The following ODAD2 variants were observed in gnomAD, a reference collection of about 807,000 sequenced individuals.
ODAD2 encodes outer dynein arm docking complex subunit 2.
A neutral mutation model predicts 106.8 loss-of-function variants in ODAD2; 89 were observed. That is an observed-to-expected ratio of 0.83 (90% CI 0.70 to 0.99). ODAD2 has a LOEUF of 0.99. Among genes scored for constraint, ODAD2 ranks in the 50% least tolerant of loss-of-function variants. The probability of loss-of-function intolerance (pLI) is 0.00; values close to 1 mark genes in which losing one functional copy is unlikely to be tolerated. For synonymous variants in ODAD2, 404 were observed against 436.2 expected (o/e 0.93, Z 0.92); for missense variants, 1,168 against 1,238.5 (o/e 0.94, Z 0.85).
At chr10:27,993,007 C>G (rs1850322582) in intron 2 of ODAD2, among the ~76,000 whole-genome samples, 1 of 152,094 alleles carries the variant, frequency 6.6e-6, no homozygotes, top group Non-Finnish European at 1.5e-5. Context: ...CCTCCACCTC[C>G]CAGATTCAAG....
intron 10 of ODAD2, among the ~76,000 whole-genome samples, chr10:27,945,812 CTGA>C (rs1354356359): frequency 6.6e-6 from 1 of 152,088 alleles, no homozygotes; most frequent in Non-Finnish European, 1.5e-5. Flanking sequence ...ATTCAGCTGG[CTGA>C]TAAGAGTTCT....
chr10:27,834,899 G>T (rs1284258966), intron 19 of ODAD2, among the ~76,000 whole-genome samples: 2 of 152,190 alleles, frequency 1.3e-5, no homozygotes, highest in Non-Finnish European at 2.9e-5. Flanking sequence ...TTAATGGAAA[G>T]TTTTTCTGTA....
At chr10:27,928,691 T>G (rs1845417715) in intron 16 of ODAD2, among the ~76,000 whole-genome samples, 1 of 152,148 alleles carries the variant, frequency 6.6e-6, no homozygotes, top group Admixed American at 6.5e-5. Flanking sequence ...AGAGGCAAAA[T>G]CATCTTATAC....
At chr10:27,954,393 G>A (rs918930155) in intron 10 of ODAD2, among the ~76,000 whole-genome samples, 1 of 152,164 alleles carries the variant, frequency 6.6e-6, no homozygotes, top group African/African-American at 2.4e-5. Context: ...AGATATCACA[G>A]TTCATTCCAA....
intron 9 of ODAD2, among the ~76,000 whole-genome samples, chr10:27,966,289 C>A (rs1478120555): frequency 6.6e-6 from 1 of 152,146 alleles, no homozygotes; most frequent in African/African-American, 2.4e-5. Flanking sequence ...CAAGAAGTGA[C>A]TTAAACTTAA....
At position 27,981,630 on chromosome 10, in the gene ODAD2, G is replaced by GT. The variant is rs762164690; in HGVS notation, c.820-49dup. 1.3e-5 allele frequency: 17 copies of GT among 1,276,776 alleles called. No homozygotes were observed. The Middle Eastern group carries it at 1.5e-3, about 112-fold the overall frequency. 79.1% of individuals were successfully genotyped at this position (1,276,776 alleles called of 1,614,324 possible). ...TTCTATGATTAACATAAGAACAATT[G>GT]TAAGAAGCTGATCAATACATCACAA... is the stretch of plus-strand genomic sequence containing the variant. On this transcript the variant is annotated intron_variant, in intron 6 of 19. Transcript: ENST00000305242.
intron 1 of ODAD2, among the ~76,000 whole-genome samples, chr10:27,998,281 G>C (rs545731355): frequency 3.3e-5 from 5 of 152,214 alleles, no homozygotes; most frequent in African/African-American, 1.2e-4. Flanking sequence ...ACATGAACAG[G>C]GCCCTAAGTA....
intron 19 of ODAD2, among the ~76,000 whole-genome samples, chr10:27,832,323 G>T (rs1379244600): frequency 6.6e-6 from 1 of 152,166 alleles, no homozygotes; most frequent in African/African-American, 2.4e-5. Flanking sequence ...CTTGTACACA[G>T]ACTTGATTTT....
At chr10:27,856,017 G>T (rs937003574) in intron 19 of ODAD2, among the ~76,000 whole-genome samples, 10 of 152,142 alleles carry the variant, frequency 6.6e-5, no homozygotes, top group Non-Finnish European at 1.3e-4. Context: ...GAAAGGGCTT[G>T]CCTTGATGAA....
At chr10:27,895,201 T>C (rs1016188414) in intron 17 of ODAD2, among the ~76,000 whole-genome samples, 29 of 152,344 alleles carry the variant, frequency 1.9e-4, no homozygotes, top group East Asian at 1.2e-3. Flanking sequence ...CAACTTTTCA[T>C]AGCAGATGGC....
At chr10:27,888,017 A>G (rs1053164717) in intron 17 of ODAD2, among the ~76,000 whole-genome samples, 4 of 152,096 alleles carry the variant, frequency 2.6e-5, no homozygotes, top group Non-Finnish European at 5.9e-5. Context: ...ACAGATCAGT[A>G]ATGAGTAAGG....
At chr10:27,998,277 A>G (rs1301495371) in intron 1 of ODAD2, among the ~76,000 whole-genome samples, 3 of 152,202 alleles carry the variant, frequency 2.0e-5, no homozygotes, top group African/African-American at 7.2e-5. Context: ...CATGACATGA[A>G]CAGGGCCCTA....
At chr10:27,824,503 C>G (rs2132910309) in intron 19 of ODAD2, among the ~76,000 whole-genome samples, 1 of 152,300 alleles carries the variant, frequency 6.6e-6, no homozygotes, top group South Asian at 2.1e-4. Context: ...GTGCCATGCT[C>G]TTGAACTTCC....
intron 17 of ODAD2, 39 bp downstream of exon 17, chr10:27,907,624 A>C: frequency 7.0e-7 from 1 of 1,421,830 alleles, no homozygotes; most frequent in Non-Finnish European, 9.9e-7. Flanking sequence ...GTATAGTATT[A>C]GAGATTCTAG....
intron 11 of ODAD2, 144 bp downstream of exon 11, chr10:27,944,672 G>C (rs1448202310): frequency 1.9e-6 from 2 of 1,072,578 alleles, no homozygotes; most frequent in Admixed American, 2.3e-5. Flanking sequence ...AGAAAGCTCA[G>C]TGAACAGAAT....
chr10:27,886,502 A>T (rs1842229751), intron 17 of ODAD2, among the ~76,000 whole-genome samples: 1 of 152,090 alleles, frequency 6.6e-6, no homozygotes, highest in Admixed American at 6.6e-5. Context: ...GTCACACAAG[A>T]GATGCAAAAG....
At chr10:27,936,243 G>A (rs997315328) in intron 15 of ODAD2, among the ~76,000 whole-genome samples, 51 of 152,086 alleles carry the variant, frequency 3.4e-4, no homozygotes, top group Non-Finnish European at 4.4e-5. Context: ...TGGTCATAAA[G>A]GTTACAAATA....
intron 7 of ODAD2, among the ~76,000 whole-genome samples, chr10:27,976,427 G>A (rs940546313): frequency 6.6e-6 from 1 of 151,974 alleles, no homozygotes; most frequent in African/African-American, 2.4e-5. Flanking sequence ...TATAAAATCA[G>A]CATACAAAAA....
At chr10:27,901,611 G>A (rs1011123216) in intron 17 of ODAD2, among the ~76,000 whole-genome samples, 10 of 152,144 alleles carry the variant, frequency 6.6e-5, no homozygotes, top group African/African-American at 2.2e-4. Context: ...TAAAGGAATA[G>A]AGGAATCTTT....
Sources: gnomAD v4.1 joint callset for allele counts (sites outside exome capture counted in the v4.1 genomes callset) on GRCh38, gnomAD v4.1.1 for gene constraint, MANE v1.5 for transcripts, NCBI Gene and HGNC (gene_info 2026-07-23, HGNC 2026-07-21) for gene names.